SPSB1: variants seen among roughly 807,000 people sequenced by gnomAD.
SPSB1 encodes splA/ryanodine receptor domain and SOCS box containing 1, also known as SPRY domain-containing SOCS box protein 1.
SPSB1 carries 8 observed loss-of-function variants against 21.2 expected under a neutral mutation model. That is an observed-to-expected ratio of 0.38 (90% CI 0.22 to 0.68). The LOEUF (loss-of-function observed/expected upper bound fraction) is 0.68, where lower values mean the gene tolerates loss of function less well. SPSB1 is among the 30% of genes least tolerant of loss of function. The pLI, the probability that SPSB1 is intolerant of heterozygous loss-of-function variation, is 0.53. For missense variants in SPSB1, 242 were observed against 377.8 expected (o/e 0.64, Z 2.98); for synonymous variants, 169 against 161.7 (o/e 1.05, Z -0.34).
In SPSB1 at chr1:9,348,298, G is replaced by A. The variant is rs548018758; in HGVS notation, c.-149-7445G>A. 8.9e-4 allele frequency among the ~76,000 whole-genome samples: 135 copies of A among 152,120 alleles called. No homozygotes were observed. The highest frequency in any genetic ancestry group is 1.6e-3 in the Non-Finnish European group (109 of 68,000). On this transcript the variant is annotated intron_variant, in intron 1 of 2. Transcript: ENST00000328089. This position sits in a 1 kb window ranked among gnomAD's most constrained non-coding sequence, Gnocchi z 4.8. ...GTCTCGCTCCTGTCTCGGCGGTAGT[G>A]CTGTGTCTAGCATCACATTCCTCTG... is the stretch of plus-strand genomic sequence containing the variant.
At chr1:9,296,997 G>A (rs560202523) in intron 1 of SPSB1, among the ~76,000 whole-genome samples, 6 of 152,304 alleles carry the variant, frequency 3.9e-5, no homozygotes, top group Admixed American at 1.3e-4. Flanking sequence ...TTAGGCTCTC[G>A]GGGCCTTTCT....
intron 1 of SPSB1, 87 bp from the exon 2 acceptor site, chr1:9,355,656 G>A: frequency 7.9e-7 from 1 of 1,264,106 alleles, no homozygotes; most frequent in Non-Finnish European, 1.0e-6. Context: ...GCTGGGACAT[G>A]CTGATGTGGT....
In SPSB1 at chr1:9,317,073, G is replaced by A. The variant is rs185007700; in HGVS notation, c.-150+24002G>A. ...ACCTGGCCTGTGAGGGTTTGCTTCC[G>A]GTGCTCTCGCGAAGGAAAGAGAGAA... On this transcript the variant is annotated intron_variant, in intron 1 of 2. Transcript: ENST00000328089. This position sits in a 1 kb window ranked among gnomAD's most constrained non-coding sequence, Gnocchi z 4.3. Among the ~76,000 whole-genome samples the A allele has an allele frequency of 1.1e-4, 16 of 152,288 alleles. No homozygotes were observed. Among genetic ancestry groups the A allele is most frequent in the South Asian group, 2.1e-4 (1 of 4,826 alleles).
At chr1:9,354,600 G>C (rs1014127372) in intron 1 of SPSB1, among the ~76,000 whole-genome samples, 8 of 152,072 alleles carry the variant, frequency 5.3e-5, no homozygotes, top group Non-Finnish European at 8.8e-5. Context: ...ATCACCTGAG[G>C]TCAGGAGTTC....
At chr1:9,300,275 A>G (rs563900957) in intron 1 of SPSB1, among the ~76,000 whole-genome samples, 1 of 152,294 alleles carries the variant, frequency 6.6e-6, no homozygotes, top group Admixed American at 6.5e-5. Context: ...TGGAGGCAAC[A>G]CATTCCTCAT....
intron 1 of SPSB1, among the ~76,000 whole-genome samples, chr1:9,327,516 G>A (rs1639836749): frequency 6.6e-6 from 1 of 152,102 alleles, no homozygotes; most frequent in Admixed American, 6.5e-5. Flanking sequence ...AGGCAGACTG[G>A]GAGTGTAGGG....
At chr1:9,328,371 G>A (rs769688999) in intron 1 of SPSB1, among the ~76,000 whole-genome samples, 2 of 152,302 alleles carry the variant, frequency 1.3e-5, no homozygotes, top group Non-Finnish European at 2.9e-5. Flanking sequence ...AGAACCTTGC[G>A]TTTCTGTCCT....
At chr1:9,331,293 T>G (rs1308614744) in intron 1 of SPSB1, among the ~76,000 whole-genome samples, 1 of 143,614 alleles carries the variant, frequency 7.0e-6, no homozygotes, top group African/African-American at 2.6e-5. Context: ...ATACCCGTTA[T>G]GGATCTCCTT....
chr1:9,358,390 C>T (rs1056075655), intron 2 of SPSB1, among the ~76,000 whole-genome samples: 1 of 152,152 alleles, frequency 6.6e-6, no homozygotes, highest in African/African-American at 2.4e-5. Context: ...GGTGACCAGG[C>T]CTGCAGCCAG....
chr1:9,294,778 A>G (rs1011818200), intron 1 of SPSB1, among the ~76,000 whole-genome samples: 11 of 151,958 alleles, frequency 7.2e-5, no homozygotes, highest in African/African-American at 2.7e-4. Flanking sequence ...GTGTGAGGAG[A>G]ACAGCAAGCA....
chr1:9,297,542 T>A (rs1018415993), intron 1 of SPSB1, among the ~76,000 whole-genome samples: 2 of 151,934 alleles, frequency 1.3e-5, no homozygotes, highest in Non-Finnish European at 2.9e-5. Context: ...AGGGAGCATG[T>A]GTGGGAGTGG....
intron 1 of SPSB1, among the ~76,000 whole-genome samples, chr1:9,337,186 G>T (rs1328559566): frequency 6.6e-6 from 1 of 152,040 alleles, no homozygotes; most frequent in Non-Finnish European, 1.5e-5. Context: ...CCTAGAAACG[G>T]TCCATTTATG....
chr1:9,306,929 TC>T (rs1480097002), intron 1 of SPSB1, among the ~76,000 whole-genome samples: 1,184 of 35,816 alleles, frequency 0.033, 14 homozygotes, highest in African/African-American at 0.17. Context: ...CTTCTTTTCT[TC>T]TTTTTTTTTT....
intron 1 of SPSB1, among the ~76,000 whole-genome samples, chr1:9,330,866 G>A (rs575322299): frequency 7.9e-5 from 12 of 151,838 alleles, no homozygotes; most frequent in East Asian, 1.9e-4. Flanking sequence ...GCCATTTTGC[G>A]TTTCCATCAG....
intron 1 of SPSB1, among the ~76,000 whole-genome samples, chr1:9,335,328 C>A (rs1425712520): frequency 6.6e-6 from 1 of 150,672 alleles, no homozygotes; most frequent in African/African-American, 2.4e-5. Context: ...ATGGCGAAAC[C>A]CCGTCTCTAC....
chr1:9,314,834 A>G (rs1330091104), intron 1 of SPSB1, among the ~76,000 whole-genome samples: 1 of 152,222 alleles, frequency 6.6e-6, no homozygotes, highest in African/African-American at 2.4e-5. Context: ...CCCCGGGGTC[A>G]GGAAGGAGGC....
intron 2 of SPSB1, among the ~76,000 whole-genome samples, chr1:9,357,480 G>GT (rs1349620253): frequency 1.3e-5 from 2 of 152,218 alleles, no homozygotes; most frequent in South Asian, 2.1e-4. Context: ...TCGAGCTGGG[G>GT]TTTGTAACCT....
intron 1 of SPSB1, among the ~76,000 whole-genome samples, chr1:9,322,235 A>G (rs541052165): frequency 1.1e-3 from 166 of 152,288 alleles, no homozygotes; most frequent in Non-Finnish European, 1.9e-3. Context: ...GAGTACCAGC[A>G]TCGTCTCCTC....
Position 9,324,601 on chromosome 1 carries a change from C to G in SPSB1, c.-149-31142C>G, listed in dbSNP as rs147402643. On this transcript the variant is annotated intron_variant, in intron 1 of 2. Coordinates refer to ENST00000328089, the MANE Select transcript of SPSB1 (RefSeq NM_025106.4). This position sits in a 1 kb window ranked among gnomAD's most constrained non-coding sequence, Gnocchi z 4.3. The stretch of plus-strand genomic sequence containing the variant: ...CCTGGTTGTGCCCTGGGAGAAAACC[C>G]AAACCTGGGTTTCCCTGAGGCTGAA... Among the ~76,000 whole-genome samples the G allele has an allele frequency of 7.4e-4, 113 of 152,260 alleles. 2 individuals carry two copies. In the South Asian group the frequency reaches 7.9e-3, roughly 11 times the overall value.
Sources: gnomAD v4.1 joint callset for allele counts (sites outside exome capture counted in the v4.1 genomes callset) on GRCh38, gnomAD v4.1.1 for gene constraint, Gnocchi (gnomAD v3.1) non-coding constraint, MANE v1.5 for transcripts, NCBI Gene and HGNC (gene_info 2026-07-23, HGNC 2026-07-21) for gene names.